NRXN1: variants seen among roughly 807,000 people sequenced by gnomAD.
NRXN1 encodes neurexin-1.
NRXN1 carries 39 observed loss-of-function variants against 150.9 expected under a neutral mutation model. The observed-to-expected ratio is 0.26, with a 90% CI of 0.20 to 0.34. The LOEUF is 0.34. Among genes scored for constraint, NRXN1 ranks in the 10% least tolerant of loss-of-function variants. The probability of loss-of-function intolerance (pLI) is 1.00; values close to 1 mark genes in which losing one functional copy is unlikely to be tolerated. For synonymous variants in NRXN1, 924 were observed against 757.0 expected, an observed-to-expected ratio of 1.22 and a Z score of -3.62; for missense variants, 1,815 against 1,949.9, an observed-to-expected ratio of 0.93 and a Z score of 1.30.
chr2:50,147,784 C>G (rs1388931367), intron 18 of NRXN1, among the ~76,000 whole-genome samples: 1 of 151,740 alleles, frequency 6.6e-6, no homozygotes, highest in Non-Finnish European at 1.5e-5. Flanking sequence ...CAGGCTTCTT[C>G]TTTCAGAAAA....
Position 50,552,650 on chromosome 2 carries a change from G to T in NRXN1, c.1696C>A (p.Leu566Met), listed in dbSNP as rs754703742. 1 of 1,613,844 alleles carries T rather than the reference G, an allele frequency of 6.2e-7. No individual in the cohort carries two copies. Among genetic ancestry groups the T allele is most frequent in the Non-Finnish European group, 8.5e-7 (1 of 1,179,798 alleles). ...TCTCCATCATTCACTTTCTTCAACA[G>T]GGCTTTTATTTTTATAGTACCTGAC... ...MGSGTIKIKA[L>M]LKKVNDGEWY... is the part of the protein sequence containing the mutation. Residue 566 changes from leucine (L) to methionine (M), a missense_variant, in exon 9 of 23, where the codon CTG becomes ATG. Coordinates refer to ENST00000401669, the MANE Select transcript of NRXN1 (RefSeq NM_001330078.2).
chr2:50,563,695 T>G (rs1475785596), intron 8 of NRXN1, among the ~76,000 whole-genome samples: 1 of 152,144 alleles, frequency 6.6e-6, no homozygotes, highest in Non-Finnish European at 1.5e-5. Context: ...GAGCCTGAAA[T>G]GGACTGTTTA....
intron 21 of NRXN1, among the ~76,000 whole-genome samples, chr2:50,047,435 G>A (rs1430672683): frequency 6.6e-6 from 1 of 152,006 alleles, no homozygotes; most frequent in East Asian, 1.9e-4. Flanking sequence ...ACAGAGGCCA[G>A]GTCCTTCTAG....
At chr2:50,074,014 G>A (rs1696685620) in intron 19 of NRXN1, among the ~76,000 whole-genome samples, 2 of 151,996 alleles carry the variant, frequency 1.3e-5, no homozygotes, top group African/African-American at 4.8e-5. Context: ...GAGGGTATGA[G>A]TAGGATCCCA....
At chr2:50,366,795 G>A (rs554087050) in intron 17 of NRXN1, among the ~76,000 whole-genome samples, 6 of 152,016 alleles carry the variant, frequency 3.9e-5, no homozygotes, top group Admixed American at 1.3e-4. Context: ...CACACACTAA[G>A]GATGGAGAAG....
intron 5 of NRXN1, among the ~76,000 whole-genome samples, chr2:50,798,046 A>G (rs1249964008): frequency 6.6e-6 from 1 of 152,178 alleles, no homozygotes; most frequent in East Asian, 1.9e-4. Context: ...GATATTTCCT[A>G]TGATTCTGTA....
chr2:50,685,737 T>C (rs1468684846), intron 5 of NRXN1, among the ~76,000 whole-genome samples: 3 of 152,126 alleles, frequency 2.0e-5, no homozygotes, highest in African/African-American at 7.2e-5. Context: ...TTGAAAATAC[T>C]AACTGAATAA....
At chr2:50,474,622 G>T (rs1413045616) in intron 15 of NRXN1, among the ~76,000 whole-genome samples, 1 of 131,250 alleles carries the variant, frequency 7.6e-6, no homozygotes, top group Non-Finnish European at 1.5e-5. Context: ...CTCACACAAC[G>T]TTCCGTACTC....
intron 18 of NRXN1, among the ~76,000 whole-genome samples, chr2:50,219,307 C>T (rs1379870006): frequency 1.3e-5 from 2 of 150,746 alleles, no homozygotes; most frequent in African/African-American, 4.9e-5. Flanking sequence ...TTTTATGTAT[C>T]TCTTTTGTGG....
At chr2:50,484,257 G>C (rs570776560) in intron 15 of NRXN1, among the ~76,000 whole-genome samples, 32 of 152,184 alleles carry the variant, frequency 2.1e-4, no homozygotes, top group Non-Finnish European at 4.3e-4. Flanking sequence ...TTAAGTATCT[G>C]AACATTTCTG....
At chr2:50,172,035 T>C (rs2060061688) in intron 18 of NRXN1, among the ~76,000 whole-genome samples, 1 of 152,152 alleles carries the variant, frequency 6.6e-6, no homozygotes, top group African/African-American at 2.4e-5. Context: ...CAGAAGAGAA[T>C]TCAGTACCTA....
At chr2:50,536,198 C>T (rs1248324103) in intron 10 of NRXN1, among the ~76,000 whole-genome samples, 3 of 152,094 alleles carry the variant, frequency 2.0e-5, no homozygotes, top group Non-Finnish European at 4.4e-5. Flanking sequence ...CAGGAGGCAC[C>T]CTAACGTGAG....
chr2:50,698,949 T>A (rs10490221), intron 5 of NRXN1, among the ~76,000 whole-genome samples: 8,787 of 152,264 alleles, frequency 0.058, 505 homozygotes, highest in East Asian at 0.22. Context: ...AAAAGTTCTC[T>A]CTATATATAC....
intron 5 of NRXN1, among the ~76,000 whole-genome samples, chr2:50,887,286 G>A (rs568590461): frequency 6.6e-6 from 1 of 151,402 alleles, no homozygotes; most frequent in African/African-American, 2.4e-5. Context: ...TTTCTTTCTT[G>A]GATTGCCAAA....
intron 5 of NRXN1, among the ~76,000 whole-genome samples, chr2:50,722,369 G>A (rs556418777): frequency 1.2e-4 from 19 of 152,166 alleles, no homozygotes; most frequent in African/African-American, 4.6e-4. Flanking sequence ...AGAAGTAATA[G>A]CAAATTGAAA....
At chr2:50,785,988 T>C (rs1351682528) in intron 5 of NRXN1, among the ~76,000 whole-genome samples, 5 of 151,998 alleles carry the variant, frequency 3.3e-5, no homozygotes, top group Non-Finnish European at 7.4e-5. Context: ...CACCCTCCTC[T>C]GGCATCAACT....
intron 22 of NRXN1, among the ~76,000 whole-genome samples, chr2:49,924,814 T>C (rs1558513035): frequency 6.6e-6 from 1 of 152,218 alleles, no homozygotes; most frequent in Non-Finnish European, 1.5e-5. Flanking sequence ...AAACATGTTA[T>C]CTTTCTTTTC....
intron 17 of NRXN1, among the ~76,000 whole-genome samples, chr2:50,300,488 T>C (rs1423073866): frequency 1.3e-5 from 2 of 152,180 alleles, no homozygotes; most frequent in East Asian, 3.9e-4. Flanking sequence ...ATTAATAAGC[T>C]TTCTCATTGG....
chr2:50,275,163 C>A (rs931370866), intron 17 of NRXN1, among the ~76,000 whole-genome samples: 5 of 152,094 alleles, frequency 3.3e-5, no homozygotes, highest in African/African-American at 1.2e-4. Context: ...CAATGAACTA[C>A]CAAATTTAGA....
Sources: allele counts gnomAD v4.1 joint callset (sites outside exome capture counted in the v4.1 genomes callset), GRCh38; gene constraint gnomAD v4.1.1; transcripts MANE v1.5; gene names NCBI Gene and HGNC (gene_info 2026-07-23, HGNC 2026-07-21).